LRRIQ1: variants seen among roughly 807,000 people sequenced by gnomAD.
LRRIQ1 encodes the protein leucine-rich repeat- and IQ domain-containing protein 1.
A neutral mutation model predicts 211.9 loss-of-function variants in LRRIQ1; 210 were observed. The observed-to-expected ratio is 0.99, with a 90% CI of 0.89 to 1.11. The LOEUF (loss-of-function observed/expected upper bound fraction) is 1.11. Among genes scored for constraint, LRRIQ1 ranks in the 50% most tolerant of loss-of-function variants. LRRIQ1 has a pLI of 0.00. For missense variants in LRRIQ1, 2,136 were observed against 1,939.5 expected (o/e 1.10, Z -1.90); for synonymous variants, 699 against 650.1 (o/e 1.08, Z -1.14).
intron 24 of LRRIQ1, among the ~76,000 whole-genome samples, chr12:85,165,992 T>G (rs1428620805): frequency 1.3e-5 from 2 of 152,188 alleles, no homozygotes; most frequent in Non-Finnish European, 2.9e-5. Context: ...GTAGTTCTAT[T>G]TTCAGTTCTT....
chr12:85,209,151 A>G (rs1477602823), intron 24 of LRRIQ1, among the ~76,000 whole-genome samples: 1 of 152,216 alleles, frequency 6.6e-6, no homozygotes, highest in Admixed American at 6.5e-5. Flanking sequence ...AAATATATCT[A>G]TATTAGTTTG....
chr12:85,220,375 G>A (rs1007710900), intron 24 of LRRIQ1, among the ~76,000 whole-genome samples: 1 of 151,740 alleles, frequency 6.6e-6, no homozygotes, highest in Non-Finnish European at 1.5e-5. Flanking sequence ...CTCACTTTAC[G>A]ATATTATGTT....
At chr12:85,192,399 T>C (rs1024207423) in intron 24 of LRRIQ1, among the ~76,000 whole-genome samples, 2 of 136,708 alleles carry the variant, frequency 1.5e-5, no homozygotes, top group African/African-American at 5.4e-5. Context: ...ATAGTGTATA[T>C]ATATTTATAT....
At chr12:85,211,399 C>CGT (rs1370890100) in intron 24 of LRRIQ1, among the ~76,000 whole-genome samples, 11 of 152,080 alleles carry the variant, frequency 7.2e-5, no homozygotes, top group Non-Finnish European at 1.3e-4. Context: ...TAAGGAACAC[C>CGT]AATCTACAAT....
intron 24 of LRRIQ1, among the ~76,000 whole-genome samples, chr12:85,196,025 A>C (rs1211600094): frequency 6.6e-6 from 1 of 152,022 alleles, no homozygotes. Flanking sequence ...ATTCTTATAC[A>C]CCAATAACAG....
In LRRIQ1 at chr12:85,195,941, C is replaced by T. The variant is rs1273175419; in HGVS notation, c.4823-33576C>T. 4.0e-5 allele frequency among the ~76,000 whole-genome samples: 6 copies of T among 151,706 alleles called. No homozygotes were observed. The East Asian group carries it at 1.2e-3, about 29-fold the overall frequency. On this transcript the variant is annotated intron_variant, in intron 24 of 26. Transcript: ENST00000393217. ...TCTAGAAAACCCCATCGTCTCAGCC[C>T]AAAATCTCCTTAAGCTGATAAGCAA...
chr12:85,234,804 C>A (rs1024646974), intron 26 of LRRIQ1, among the ~76,000 whole-genome samples: 1 of 152,126 alleles, frequency 6.6e-6, no homozygotes, highest in African/African-American at 2.4e-5. Context: ...CGAAAGTTAT[C>A]AAATGTTAGA....
chr12:85,201,156 C>A (rs1429012468), intron 24 of LRRIQ1, among the ~76,000 whole-genome samples: 2 of 151,480 alleles, frequency 1.3e-5, no homozygotes, highest in African/African-American at 4.9e-5. Flanking sequence ...TGATGTGCTG[C>A]TAGATTTAGT....
chr12:85,096,157 A>G (rs1885862497), intron 11 of LRRIQ1, among the ~76,000 whole-genome samples: 1 of 152,128 alleles, frequency 6.6e-6, no homozygotes, highest in South Asian at 2.1e-4. Context: ...GGTCTAAATT[A>G]TGTTTGGTTC....
At chr12:85,152,469 A>G (rs1448499560) in intron 20 of LRRIQ1, 100 bp downstream of exon 20, 9 of 842,890 alleles carry the variant, frequency 1.1e-5, no homozygotes, top group Non-Finnish European at 1.6e-5. Context: ...GACTTGAAAA[A>G]CATAATTACT....
chr12:85,113,478 T>A (rs552869568), intron 15 of LRRIQ1, among the ~76,000 whole-genome samples: 21 of 152,140 alleles, frequency 1.4e-4, no homozygotes, highest in African/African-American at 4.8e-4. Flanking sequence ...ATGGAAAAAA[T>A]TTTGTTTATT....
At chr12:85,069,925 C>CAGA (rs1462174707) in intron 10 of LRRIQ1, among the ~76,000 whole-genome samples, 2 of 151,940 alleles carry the variant, frequency 1.3e-5, no homozygotes, top group Non-Finnish European at 2.9e-5. Flanking sequence ...TTTTGCTGTG[C>CAGA]AGAAGCTCTT....
chr12:85,083,904 C>A (rs1884552995), intron 11 of LRRIQ1, among the ~76,000 whole-genome samples: 1 of 152,112 alleles, frequency 6.6e-6, no homozygotes, highest in African/African-American at 2.4e-5. Flanking sequence ...ATTCTCTTAA[C>A]AATAAATTGT....
chr12:85,128,800 C>A (rs555631842), intron 18 of LRRIQ1, among the ~76,000 whole-genome samples: 1 of 152,250 alleles, frequency 6.6e-6, no homozygotes, highest in Admixed American at 6.5e-5. Context: ...CTCAATCTCA[C>A]CAAGACCAGG....
intron 24 of LRRIQ1, among the ~76,000 whole-genome samples, chr12:85,199,986 T>C (rs533963202): frequency 3.6e-4 from 55 of 152,320 alleles, no homozygotes; most frequent in African/African-American, 1.2e-3. Context: ...TTTAAAATAG[T>C]ATTTCCTAAT....
chr12:85,061,104 G>A (rs1321861488), intron 8 of LRRIQ1, among the ~76,000 whole-genome samples: 1 of 151,726 alleles, frequency 6.6e-6, no homozygotes, highest in Non-Finnish European at 1.5e-5. Flanking sequence ...TATAAATATA[G>A]TTGAGTTTTG....
At chr12:85,188,729 G>A (rs1199729914) in intron 24 of LRRIQ1, among the ~76,000 whole-genome samples, 1 of 152,016 alleles carries the variant, frequency 6.6e-6, no homozygotes, top group African/African-American at 2.4e-5. Flanking sequence ...ACAATATTAA[G>A]TAACTAAAGG....
intron 15 of LRRIQ1, among the ~76,000 whole-genome samples, chr12:85,119,390 G>GT (rs1887813002): frequency 1.3e-5 from 2 of 152,158 alleles, no homozygotes; most frequent in South Asian, 4.1e-4. Context: ...TTGTAGCACA[G>GT]TTTATTATCC....
At chr12:85,162,152 C>T (rs998508866) in intron 24 of LRRIQ1, among the ~76,000 whole-genome samples, 1 of 151,914 alleles carries the variant, frequency 6.6e-6, no homozygotes. Context: ...ATTTCCTTTA[C>T]ATTCTTTTTT....
Sources: gnomAD v4.1 joint callset for allele counts (sites outside exome capture counted in the v4.1 genomes callset) on GRCh38, gnomAD v4.1.1 for gene constraint, MANE v1.5 for transcripts, NCBI Gene and HGNC (gene_info 2026-07-23, HGNC 2026-07-21) for gene names.